IGDCC4: variants seen among roughly 807,000 people sequenced by gnomAD.
IGDCC4 encodes the protein likely ortholog of mouse neighbor of Punc E11.
In IGDCC4, 72 loss-of-function variants were observed where a neutral mutation model predicts 116.6. The ratio of observed to expected loss-of-function variants is 0.62; its 90% CI spans 0.51 to 0.75. The LOEUF is 0.75. Among genes scored for constraint, IGDCC4 ranks in the 30% least tolerant of loss-of-function variants. The probability of loss-of-function intolerance (pLI) is 0.00; values close to 1 mark genes in which losing one functional copy is unlikely to be tolerated. For synonymous variants in IGDCC4, 709 were observed against 719.9 expected, an observed-to-expected ratio of 0.98 and a Z score of 0.24; for missense variants, 1,501 against 1,662.4, an observed-to-expected ratio of 0.90 and a Z score of 1.69.
At chr15:65,407,438 G>A (rs2063050267) in intron 3 of IGDCC4, among the ~76,000 whole-genome samples, 1 of 152,086 alleles carries the variant, frequency 6.6e-6, no homozygotes, top group Non-Finnish European at 1.5e-5. Context: ...TACCTTCTGG[G>A]TTCAAGCGAT....
At chr15:65,403,630 C>T (rs1386505110) in intron 3 of IGDCC4, among the ~76,000 whole-genome samples, 1 of 152,088 alleles carries the variant, frequency 6.6e-6, no homozygotes, top group Non-Finnish European at 1.5e-5. Flanking sequence ...AAAACTCGAA[C>T]CCAAGTCTTC....
intron 5 of IGDCC4, among the ~76,000 whole-genome samples, chr15:65,398,929 A>T (rs932389404): frequency 6.6e-6 from 1 of 152,030 alleles, no homozygotes; most frequent in Non-Finnish European, 1.5e-5. Flanking sequence ...CAAACAACCC[A>T]TGCCCCTTCC....
At chr15:65,397,437 C>CT (rs1350341769) in intron 5 of IGDCC4, among the ~76,000 whole-genome samples, 3 of 152,204 alleles carry the variant, frequency 2.0e-5, no homozygotes, top group African/African-American at 7.2e-5. Flanking sequence ...TTAAAAAGCC[C>CT]TTGCCTTGTA....
At chr15:65,385,150 C>A in intron 18 of IGDCC4, 35 bp from the exon 19 acceptor site, 1 of 1,532,482 alleles carries the variant, frequency 6.5e-7, no homozygotes, top group Admixed American at 2.2e-5. Context: ...GTAAGGGGCA[C>A]GACCAGGATT....
At chr15:65,405,844 A>G (rs2063036454) in intron 3 of IGDCC4, among the ~76,000 whole-genome samples, 1 of 152,222 alleles carries the variant, frequency 6.6e-6, no homozygotes, top group Non-Finnish European at 1.5e-5. Context: ...GGAAGGGATG[A>G]TTCTTTTTCC....
In IGDCC4 at chr15:65,392,015, GACATCTGGGGTC is replaced by G. The variant is rs2062871191; in HGVS notation, c.2123-46_2123-35del. 6 of 1,573,646 alleles carry G rather than the reference GACATCTGGGGTC, an allele frequency of 3.8e-6. No homozygotes were observed. The East Asian group carries it at 1.4e-4, about 36-fold the overall frequency. ...GGTTACAGGGCTTAATGGCTAGGGG[GACATCTGGGGTC>G]ACTCTCCCGTCCACAGAGAGCATCC... is the stretch of plus-strand genomic sequence containing the variant. On this transcript the variant is annotated intron_variant, in intron 11 of 19. Coordinates refer to ENST00000352385, the MANE Select transcript of IGDCC4 (RefSeq NM_020962.3).
intron 1 of IGDCC4, among the ~76,000 whole-genome samples, chr15:65,412,428 C>G (rs2063103631): frequency 7.1e-6 from 1 of 140,122 alleles, no homozygotes; most frequent in Admixed American, 7.7e-5. Context: ...AGGAGAATCT[C>G]TTGAACACAG....
In IGDCC4 at chr15:65,395,113, C is replaced by A. The variant is rs1234546846; in HGVS notation, c.1557G>T (p.Leu519=). The change falls in exon 8 of 20, where the codon CTG becomes CTT. Residue 519 remains leucine, a synonymous_variant. Coordinates refer to ENST00000352385, the MANE Select transcript of IGDCC4 (RefSeq NM_020962.3). ...CCCTACCATCATCCAGTGTGTGCACCAGTGCTGGGGTGGAGGTGCGGCTGG... is the reference window on the plus strand; with the variant it reads ...CCCTACCATCATCCAGTGTGTGCACAAGTGCTGGGGTGGAGGTGCGGCTGG... ...LGASRTSTPA[L]VHTLDDVPSA... The A allele has an allele frequency of 1.2e-6, 2 of 1,612,542 alleles. No homozygotes were observed. The highest frequency in any genetic ancestry group is 2.2e-5 in the South Asian group (2 of 90,962).
Position 65,392,176 on chromosome 15 carries a change from G to A in IGDCC4, c.2080C>T (p.Arg694Trp), listed in dbSNP as rs772148019. 11 of 1,613,340 alleles carry A rather than the reference G, an allele frequency of 6.8e-6. No homozygotes were observed. Among genetic ancestry groups the A allele is most frequent in the South Asian group, 1.1e-5 (1 of 90,986 alleles). Residue 694 changes from arginine to tryptophan, a missense_variant, in exon 11 of 20, where the codon CGG becomes TGG. This residue lies in a region of IGDCC4 where 898 missense variants were observed against 978.9 expected (regional missense o/e 0.92). Transcript: ENST00000352385. ...TACTGCTTCACTTTCTTCTTGAGCC[G>A]GACAGGCCCCACATCCCAAGCCTGG... ...GDQAWDVGPV[R>W]LKKKVKQYEL... is the part of the protein sequence containing the mutation.
intron 5 of IGDCC4, among the ~76,000 whole-genome samples, chr15:65,398,434 T>C (rs1015192052): frequency 6.9e-6 from 1 of 145,110 alleles, no homozygotes; most frequent in African/African-American, 2.6e-5. Context: ...CTCGGGAAGC[T>C]GAGACAGGAG....
At position 65,384,343 on chromosome 15, in the gene IGDCC4, C is replaced by T. The variant is rs763364487; in HGVS notation, c.3419G>A (p.Ser1140Asn). Reference sequence around the variant, plus strand: ...GAGGTCAGGGTTCCCGTTAGATGCACTAAAGTCAGAGTGGACAATGACTTC... The same window carrying T: ...GAGGTCAGGGTTCCCGTTAGATGCATTAAAGTCAGAGTGGACAATGACTTC... ...EAEVIVHSDFSASNGNPDLHL... is the reference protein window; with the variant it reads ...EAEVIVHSDFNASNGNPDLHL... Residue 1140 changes from serine to asparagine, a missense_variant, in exon 20 of 20, where the codon AGT (serine) becomes AAT (asparagine). By Grantham distance (46) the Ser-to-Asn change is conservative (BLOSUM62 1). Around this residue, in one of 3 missense-constraint regions of IGDCC4, gnomAD observed 368 missense variants for 355.6 expected, o/e 1.03. Transcript: ENST00000352385. This position sits in a 1 kb window ranked among gnomAD's most constrained non-coding sequence, Gnocchi z 4.9. 3.8e-6 allele frequency: 6 copies of T among 1,587,670 alleles called. No individual in the cohort carries two copies. The highest frequency in any genetic ancestry group is 2.7e-5 in the African/African-American group (2 of 73,892).
chr15:65,394,682 G>A, intron 8 of IGDCC4, 134 bp from the exon 9 acceptor site: 2 of 895,200 alleles, frequency 2.2e-6, no homozygotes, highest in Non-Finnish European at 3.3e-6. Context: ...GGAGGAAAGG[G>A]AGCTTCTCAG....
At chr15:65,404,671 GTGAA>G (rs58462797) in intron 3 of IGDCC4, among the ~76,000 whole-genome samples, 12 of 151,108 alleles carry the variant, frequency 7.9e-5, no homozygotes, top group African/African-American at 1.2e-4. Context: ...ATGTGATTGA[GTGAA>G]TGAATGAATG....
At chr15:65,400,986 G>A (rs1322231562) in intron 4 of IGDCC4, 40 bp from the exon 5 acceptor site, 2 of 1,613,086 alleles carry the variant, frequency 1.2e-6, no homozygotes, top group East Asian at 2.2e-5. Flanking sequence ...TTACCATTAG[G>A]CATTTGCCAT....
rs139840267 is a variant in IGDCC4 at position 65,387,074 on chromosome 15, C to T, written c.2846-418G>A. Among the ~76,000 whole-genome samples, 1,091 of 151,944 alleles carry T rather than the reference C, an allele frequency of 7.2e-3. 5 individuals carry two copies. Among genetic ancestry groups the T allele is most frequent in the Non-Finnish European group, 9.9e-3 (674 of 67,916 alleles). On this transcript the variant is annotated intron_variant, in intron 16 of 19. Transcript: ENST00000352385. ...CAGGGTCTTGCTCTGTCACCCAGGC[C>T]GGAGTGCAGTGGCATGAACACGGCT... is the stretch of plus-strand genomic sequence containing the variant.
Position 65,393,522 on chromosome 15 carries a change from A to G in IGDCC4, c.1724T>C (p.Phe575Ser), listed in dbSNP as rs763438210. The change falls in exon 10 of 20, where the codon TTC becomes TCC. Residue 575 changes from phenylalanine to serine, a missense_variant. Around this residue, in one of 3 missense-constraint regions of IGDCC4, gnomAD observed 898 missense variants for 978.9 expected, o/e 0.92. Transcript: ENST00000352385. The surrounding 1 kb of genome is among the most constrained non-coding windows in gnomAD (Gnocchi z 4.6). ...EYGLGKEDQI[F>S]STEVRGNETQ... ...CTCATTTCCTCGCACCTCAGTAGAG[A>G]AAATCTGATCTGCAGGGACAGAAAA... The G allele has an allele frequency of 1.9e-6, 3 of 1,599,846 alleles. No homozygotes were observed. Among genetic ancestry groups the G allele is most frequent in the South Asian group, 1.1e-5 (1 of 88,624 alleles).
At chr15:65,396,812 T>G in intron 6 of IGDCC4, 22 bp downstream of exon 6, 3 of 1,553,546 alleles carry the variant, frequency 1.9e-6, no homozygotes, top group Non-Finnish European at 2.6e-6. Flanking sequence ...ACCCGCTCCC[T>G]CCGCCCTTCG....
In IGDCC4 at chr15:65,422,374, CCT is replaced by C. The variant is rs758057335; in HGVS notation, c.70+417_70+418del. 3.2e-4 allele frequency among the ~76,000 whole-genome samples: 48 copies of C among 152,164 alleles called. 1 individual carries two copies. The highest frequency in any genetic ancestry group is 1.6e-3 in the Admixed American group (24 of 15,288). Reference sequence around the variant, plus strand: ...GGTGCAGACACAACCCCAGTTCCCTCCTCTTTTACACACACTCTCAACCCAAG... The same window carrying C: ...GGTGCAGACACAACCCCAGTTCCCTCCTTTTACACACACTCTCAACCCAAG... On this transcript the variant is annotated intron_variant, in intron 1 of 19. Coordinates refer to ENST00000352385, the MANE Select transcript of IGDCC4 (RefSeq NM_020962.3).
chr15:65,408,294 G>C (rs1028548832), intron 3 of IGDCC4, among the ~76,000 whole-genome samples: 8 of 152,100 alleles, frequency 5.3e-5, no homozygotes, highest in African/African-American at 1.9e-4. Flanking sequence ...TACCCTCTCT[G>C]GGGGGCATCA....
Sources: allele counts gnomAD v4.1 joint callset (sites outside exome capture counted in the v4.1 genomes callset), GRCh38; gene constraint gnomAD v4.1.1; regional missense constraint gnomAD v4.1.1; non-coding constraint Gnocchi (gnomAD v3.1); transcripts MANE v1.5; gene names NCBI Gene and HGNC (gene_info 2026-07-23, HGNC 2026-07-21).